Variants in RIMS2 observed in about 807,000 individuals in gnomAD.
RIMS2 encodes regulating synaptic membrane exocytosis 2.
A neutral mutation model predicts 174.4 loss-of-function variants in RIMS2; 59 were observed. The ratio of observed to expected loss-of-function variants is 0.34; its 90% CI spans 0.27 to 0.42. RIMS2 has a LOEUF of 0.42. Ranked by LOEUF, RIMS2 falls within the 10% of genes least tolerant of loss-of-function variation. The pLI is 1.00. For synonymous variants in RIMS2, 606 were observed against 572.5 expected (o/e 1.06, Z -0.84); for missense variants, 1,620 against 1,666.3 (o/e 0.97, Z 0.48).
chr8:104,209,525 C>T (rs138949439), intron 19 of RIMS2, among the ~76,000 whole-genome samples: 8 of 152,310 alleles, frequency 5.3e-5, no homozygotes, highest in African/African-American at 1.7e-4. Context: ...CACTCCCTTA[C>T]TGTGCTATAC....
At chr8:103,864,913 A>T (rs1354091839) in intron 3 of RIMS2, among the ~76,000 whole-genome samples, 1 of 152,186 alleles carries the variant, frequency 6.6e-6, no homozygotes, top group Non-Finnish European at 1.5e-5. Flanking sequence ...TCCTTAAGAT[A>T]ATTAATTAAA....
chr8:104,213,061 C>G (rs1323160315), intron 19 of RIMS2, among the ~76,000 whole-genome samples: 1 of 152,136 alleles, frequency 6.6e-6, no homozygotes, highest in Non-Finnish European at 1.5e-5. Context: ...GTGGCTCAAC[C>G]CTGTAATCCC....
chr8:103,880,815 T>C lies in RIMS2; in HGVS notation c.699-4483T>C, dbSNP rs2154517472. The C allele has an allele frequency of 1.3e-5, 5 of 372,344 alleles. No individual in the cohort carries two copies. The East Asian group carries it at 1.9e-4, about 14-fold the overall frequency. The allele number at this position is 372,344 out of a possible 1,614,324, so 23.1% of individuals were successfully genotyped here. ...TAGGAATTATAGAAACGGGCCTTTG[T>C]TTTCATGTTTTACAGGATTATATAC... is the stretch of plus-strand genomic sequence containing the variant. On this transcript the variant is annotated intron_variant, in intron 3 of 23. Coordinates refer to ENST00000504942, the Ensembl canonical transcript of RIMS2.
chr8:103,819,440 A>G (rs1173632385), intron 3 of RIMS2: 2 of 1,596,462 alleles, frequency 1.3e-6, no homozygotes, highest in Non-Finnish European at 1.7e-6. Flanking sequence ...TGATGGTGTC[A>G]GCAAATAGAT....
chr8:103,514,263 A>G (rs1827911737), intron 1 of RIMS2, among the ~76,000 whole-genome samples: 1 of 152,172 alleles, frequency 6.6e-6, no homozygotes, highest in Non-Finnish European at 1.5e-5. Context: ...GTCCTTCATG[A>G]TTTGTCCTCT....
intron 19 of RIMS2, among the ~76,000 whole-genome samples, chr8:104,225,757 G>T (rs2099183868): frequency 6.6e-6 from 1 of 152,104 alleles, no homozygotes; most frequent in Admixed American, 6.5e-5. Flanking sequence ...AAGCTGCCAA[G>T]ACAAAATGTT....
intron 1 of RIMS2, among the ~76,000 whole-genome samples, chr8:103,667,306 A>G (rs933331980): frequency 6.6e-6 from 1 of 152,236 alleles, no homozygotes; most frequent in South Asian, 2.1e-4. Flanking sequence ...AAGAGAATTT[A>G]AAGAAGCTTT....
intron 1 of RIMS2, among the ~76,000 whole-genome samples, chr8:103,570,748 C>T (rs2092744920): frequency 6.6e-6 from 1 of 152,102 alleles, no homozygotes; most frequent in Non-Finnish European, 1.5e-5. Context: ...TATTGAGCAC[C>T]TACTAAGTAC....
At chr8:104,177,554 AAATT>A (rs2098910533) in intron 19 of RIMS2, among the ~76,000 whole-genome samples, 1 of 152,204 alleles carries the variant, frequency 6.6e-6, no homozygotes, top group Non-Finnish European at 1.5e-5. Flanking sequence ...AAAGTAAAAT[AAATT>A]TAAACGCTTA....
At chr8:103,874,100 A>G (rs776806776) in intron 3 of RIMS2, among the ~76,000 whole-genome samples, 7 of 152,138 alleles carry the variant, frequency 4.6e-5, no homozygotes, top group Admixed American at 1.3e-4. Context: ...TTTAATTATC[A>G]CTATGTGGAT....
At chr8:104,118,998 T>G (rs985133319) in intron 19 of RIMS2, among the ~76,000 whole-genome samples, 3 of 151,976 alleles carry the variant, frequency 2.0e-5, no homozygotes, top group Non-Finnish European at 4.4e-5. Flanking sequence ...ATTTATGGTA[T>G]CACCAGGAAT....
chr8:103,806,798 G>A (rs1049317032), intron 3 of RIMS2, among the ~76,000 whole-genome samples: 4 of 152,020 alleles, frequency 2.6e-5, no homozygotes, highest in African/African-American at 4.8e-5. Context: ...TGAAGATAGA[G>A]TTGATAGAAC....
intron 16 of RIMS2, among the ~76,000 whole-genome samples, chr8:103,980,023 C>T (rs1251893427): frequency 1.7e-4 from 26 of 152,088 alleles, no homozygotes; most frequent in Admixed American, 1.6e-3. Flanking sequence ...ACTACAACTC[C>T]TAGGCAACAC....
At chr8:103,983,008 G>A (rs917087170) in intron 16 of RIMS2, among the ~76,000 whole-genome samples, 8 of 152,016 alleles carry the variant, frequency 5.3e-5, no homozygotes, top group Non-Finnish European at 1.0e-4. Context: ...AAACCTAAAG[G>A]CTCCACCAAA....
rs1025551183 is a variant in RIMS2 at position 103,896,886 on chromosome 8, G to A, written c.1624+10663G>A. Among the ~76,000 whole-genome samples the A allele has an allele frequency of 8.6e-5, 13 of 151,436 alleles. 1 individual carries two copies. Among genetic ancestry groups the A allele is most frequent in the Non-Finnish European group, 8.8e-5 (6 of 67,948 alleles). On this transcript the variant is annotated intron_variant, in intron 4 of 23. Coordinates refer to ENST00000504942, the Ensembl canonical transcript of RIMS2. ...CTGAGACGCCACTTATTCTGTCCTA[G>A]CTTTGGACTCATGTGGCATCACTCC... is the stretch of plus-strand genomic sequence containing the variant.
At position 103,902,757 on chromosome 8, in the gene RIMS2, A is replaced by C. The variant is rs138970328; in HGVS notation, c.1625-7377A>C. 1.4e-4 allele frequency among the ~76,000 whole-genome samples: 22 copies of C among 152,276 alleles called. No homozygotes were observed. In the East Asian group the frequency reaches 4.3e-3, roughly 29 times the overall value. On this transcript the variant is annotated intron_variant, in intron 4 of 23. Coordinates refer to ENST00000504942, the Ensembl canonical transcript of RIMS2. ...TGAGAAATCTTCTGTGTTTCAATTA[A>C]GTTTGTGGAAACAATATATTATATA...
chr8:103,590,191 C>T (rs2094180609), intron 1 of RIMS2, among the ~76,000 whole-genome samples: 1 of 151,072 alleles, frequency 6.6e-6, no homozygotes, highest in Non-Finnish European at 1.5e-5. Context: ...TATCATGTAT[C>T]CCATAAATAT....
chr8:103,506,188 A>G (rs1227333916), intron 1 of RIMS2, among the ~76,000 whole-genome samples: 2 of 152,130 alleles, frequency 1.3e-5, no homozygotes, highest in African/African-American at 4.8e-5. Flanking sequence ...ATTGATTGAC[A>G]TTTTATAAGA....
rs764572613 is a variant in RIMS2 at position 103,500,978 on chromosome 8, A to C, written c.92A>C (p.His31Pro). 8 of 1,610,752 alleles carry C rather than the reference A, an allele frequency of 5.0e-6. No individual in the cohort carries two copies. The South Asian group carries it at 8.8e-5, about 18-fold the overall frequency. The change falls in exon 1 of 24, where the codon CAC (histidine) becomes CCC (proline). Residue 31 changes from histidine to proline, a missense_variant. Coordinates refer to ENST00000504942, the Ensembl canonical transcript of RIMS2. ...CAGCCCGAGATGCCTGACCTCAGCC[A>C]CCTCACGGAGGAGGAGAGGAAAATC...
Sources: gnomAD v4.1 joint callset for allele counts (sites outside exome capture counted in the v4.1 genomes callset) on GRCh38, gnomAD v4.1.1 for gene constraint, MANE v1.5 for transcripts, NCBI Gene and HGNC (gene_info 2026-07-23, HGNC 2026-07-21) for gene names.